CDH13: variants seen among roughly 807,000 people sequenced by gnomAD.
The protein encoded by CDH13 is cadherin-13.
A neutral mutation model predicts 63.8 loss-of-function variants in CDH13; 24 were observed. That is an observed-to-expected ratio of 0.38 (90% CI 0.27 to 0.53). CDH13 has a LOEUF of 0.53. Among genes scored for constraint, CDH13 ranks in the 20% least tolerant of loss-of-function variants. The pLI is 0.85. For synonymous variants in CDH13, 503 were observed against 355.3 expected (o/e 1.42, Z -4.67); for missense variants, 1,049 against 903.1 (o/e 1.16, Z -2.07).
intron 1 of CDH13, among the ~76,000 whole-genome samples, chr16:82,697,481 G>A (rs186453633): frequency 7.2e-6 from 1 of 138,532 alleles, no homozygotes; most frequent in Non-Finnish European, 1.5e-5. Context: ...TGGGGCTGGA[G>A]TGCAGTGGCG....
intron 2 of CDH13, among the ~76,000 whole-genome samples, chr16:82,869,152 T>C (rs2040256216): frequency 6.6e-6 from 1 of 152,188 alleles, no homozygotes; most frequent in Non-Finnish European, 1.5e-5. Flanking sequence ...GTTCAAGCTA[T>C]TCTCATGCCT....
chr16:83,239,328 A>C (rs534506700), intron 5 of CDH13, among the ~76,000 whole-genome samples: 1 of 152,190 alleles, frequency 6.6e-6, no homozygotes, highest in Admixed American at 6.5e-5. Context: ...GCACTTTGTC[A>C]AGGGTGCGTG....
At chr16:83,323,182 C>CTT (rs1420507890) in intron 5 of CDH13, among the ~76,000 whole-genome samples, 4 of 60,936 alleles carry the variant, frequency 6.6e-5, no homozygotes, top group Admixed American at 4.2e-4. Context: ...TTTTTTCTTT[C>CTT]TTTCTTTCTT....
chr16:83,655,650 C>T (rs1207592285), intron 8 of CDH13, among the ~76,000 whole-genome samples: 2 of 152,184 alleles, frequency 1.3e-5, no homozygotes, highest in African/African-American at 2.4e-5. Context: ...AAAGTAGAAG[C>T]TGTTGCAGGG....
intron 1 of CDH13, among the ~76,000 whole-genome samples, chr16:82,832,276 A>T (rs1445833577): frequency 6.6e-6 from 1 of 152,208 alleles, no homozygotes; most frequent in African/African-American, 2.4e-5. Context: ...AATATTAACC[A>T]TTAATTATGA....
chr16:82,965,342 G>A (rs1474012128), intron 2 of CDH13, among the ~76,000 whole-genome samples: 2 of 152,234 alleles, frequency 1.3e-5, no homozygotes, highest in Non-Finnish European at 2.9e-5. Flanking sequence ...CTATGGAGGA[G>A]ACAAAGATGC....
chr16:82,659,337 G>A (rs1259723972), intron 1 of CDH13, among the ~76,000 whole-genome samples: 2 of 152,164 alleles, frequency 1.3e-5, no homozygotes, highest in Non-Finnish European at 2.9e-5. Flanking sequence ...ATAGGTATAG[G>A]TCATAATCCT....
At chr16:83,531,512 T>C (rs1261361573) in intron 7 of CDH13, among the ~76,000 whole-genome samples, 1 of 152,246 alleles carries the variant, frequency 6.6e-6, no homozygotes, top group Admixed American at 6.5e-5. Context: ...ACAAGCCCTC[T>C]TCTCTTCTCT....
chr16:83,139,743 C>G (rs2036449580), intron 4 of CDH13, among the ~76,000 whole-genome samples: 1 of 152,096 alleles, frequency 6.6e-6, no homozygotes, highest in Non-Finnish European at 1.5e-5. Context: ...GTGGTTCATG[C>G]CTGTAATCCC....
intron 10 of CDH13, among the ~76,000 whole-genome samples, chr16:83,729,815 T>C (rs535816423): frequency 4.1e-4 from 62 of 152,350 alleles, no homozygotes; most frequent in African/African-American, 1.5e-3. Context: ...GCCACTAGCA[T>C]TCCCTTCCAA....
chr16:82,822,513 T>TATA (rs1372432067), intron 1 of CDH13, among the ~76,000 whole-genome samples: 4 of 152,334 alleles, frequency 2.6e-5, no homozygotes, highest in South Asian at 2.1e-4. Context: ...TTTTTCTTTG[T>TATA]ATAAACAGGG....
At chr16:82,968,400 C>T (rs1356580546) in intron 2 of CDH13, among the ~76,000 whole-genome samples, 2 of 152,172 alleles carry the variant, frequency 1.3e-5, no homozygotes, top group Non-Finnish European at 2.9e-5. Flanking sequence ...TGCTGACTAA[C>T]TCTTGAAATA....
At chr16:83,588,492 A>G (rs936044442) in intron 7 of CDH13, among the ~76,000 whole-genome samples, 1 of 152,220 alleles carries the variant, frequency 6.6e-6, no homozygotes, top group South Asian at 2.1e-4. Context: ...CTATAACCCG[A>G]TGACCACATA....
intron 6 of CDH13, among the ~76,000 whole-genome samples, chr16:83,399,613 A>G (rs1443877247): frequency 6.6e-6 from 1 of 152,196 alleles, no homozygotes; most frequent in East Asian, 1.9e-4. Context: ...CGTAACCAGT[A>G]GAATGATGTG....
chr16:83,309,652 G>A (rs2089957590), intron 5 of CDH13, among the ~76,000 whole-genome samples: 1 of 152,240 alleles, frequency 6.6e-6, no homozygotes, highest in Non-Finnish European at 1.5e-5. Context: ...TGGGATTACA[G>A]GCGTGAGCCG....
chr16:82,866,248 A>G (rs1448770710), intron 2 of CDH13, among the ~76,000 whole-genome samples: 2 of 151,328 alleles, frequency 1.3e-5, no homozygotes, highest in African/African-American at 4.9e-5. Context: ...AGCCCTCTAA[A>G]CTGTTCCAGC....
chr16:83,690,013 C>A (rs1220166195), intron 10 of CDH13, among the ~76,000 whole-genome samples: 1 of 152,092 alleles, frequency 6.6e-6, no homozygotes, highest in African/African-American at 2.4e-5. Flanking sequence ...TGGTGAAACC[C>A]CATCTCTACT....
chr16:83,268,576 A>G (rs1009922887), intron 5 of CDH13, among the ~76,000 whole-genome samples: 7 of 152,228 alleles, frequency 4.6e-5, no homozygotes, highest in African/African-American at 1.7e-4. Flanking sequence ...TGTTGTAGAC[A>G]AAGTCTACGT....
chr16:83,361,854 T>C (rs2151386559), intron 6 of CDH13, among the ~76,000 whole-genome samples: 1 of 152,308 alleles, frequency 6.6e-6, no homozygotes, highest in Admixed American at 6.5e-5. Context: ...TAAAGTCAGG[T>C]AATGTGATGC....
Sources: gnomAD v4.1 joint callset for allele counts (sites outside exome capture counted in the v4.1 genomes callset) on GRCh38, gnomAD v4.1.1 for gene constraint, MANE v1.5 for transcripts, NCBI Gene and HGNC (gene_info 2026-07-23, HGNC 2026-07-21) for gene names.